ISLR: variants seen among roughly 807,000 people sequenced by gnomAD.
The protein encoded by ISLR is immunoglobulin superfamily containing leucine-rich repeat protein.
In ISLR, 9 loss-of-function variants were observed where a neutral mutation model predicts 11.0. The ratio of observed to expected loss-of-function variants is 0.82; its 90% confidence interval spans 0.49 to 1.43. The LOEUF (loss-of-function observed/expected upper bound fraction) is 1.43, where lower values mean the gene tolerates loss of function less well. Among genes scored for constraint, ISLR ranks in the 40% most tolerant of loss-of-function variants. The pLI, the probability that ISLR is intolerant of heterozygous loss-of-function variation, is 0.00. For missense variants in ISLR, 510 were observed against 576.4 expected (o/e 0.88, Z 1.18); for synonymous variants, 262 against 264.1 (o/e 0.99, Z 0.08).
In ISLR at chr15:74,174,914, G is replaced by T. The variant is rs1159881985; in HGVS notation, c.56G>T (p.Cys19Phe). 2 of 1,591,972 alleles carry T rather than the reference G, an allele frequency of 1.3e-6. No individual in the cohort carries two copies. Among genetic ancestry groups the T allele is most frequent in the African/African-American group, 1.3e-5 (1 of 74,414 alleles). Reference protein sequence around the residue: ...WALLLGLAQACPEPCDCGEKY... With the variant: ...WALLLGLAQAFPEPCDCGEKY... ...CTTCTCCTGGGCCTGGCTCAGGCCT[G>T]CCCTGAGCCCTGCGACTGTGGGGAA... Residue 19 changes from cysteine to phenylalanine, a missense_variant, in exon 2 of 2, where the codon TGC becomes TTC. Coordinates refer to ENST00000249842, the MANE Select transcript of ISLR (RefSeq NM_005545.4).
rs1217631828 is a variant in ISLR at position 74,174,880 on chromosome 15, T to C, written c.22T>C (p.Trp8Arg). 1 of 1,536,568 alleles carries C rather than the reference T, an allele frequency of 6.5e-7. No individual in the cohort carries two copies. The highest frequency in any genetic ancestry group is 2.3e-5 in the East Asian group (1 of 44,378). The change falls in exon 2 of 2, where the codon TGG becomes CGG. Residue 8 changes from tryptophan (W) to arginine (R), a missense_variant. Trp to Arg is a moderately radical substitution (Grantham distance 101). Transcript: ENST00000249842. MQELHLLWWALLLGLAQA... is the reference protein window; with the variant it reads MQELHLLRWALLLGLAQA... ...CACCATGCAGGAGCTGCATCTGCTCTGGTGGGCGCTTCTCCTGGGCCTGGC... is the reference window on the plus strand; with the variant it reads ...CACCATGCAGGAGCTGCATCTGCTCCGGTGGGCGCTTCTCCTGGGCCTGGC...
Position 74,175,323 on chromosome 15 carries a change from C to T in ISLR, c.465C>T (p.His155=). 6.2e-7 allele frequency: 1 copy of T among 1,611,296 alleles called. No homozygotes were observed. Among genetic ancestry groups the T allele is most frequent in the Non-Finnish European group, 8.5e-7 (1 of 1,180,024 alleles). ...CTCTGCGCTCGCTGCAACTCAACCA[C>T]AACCGCTTGCACACATTGGCCGAGG... ...LRALRSLQLN[H]NRLHTLAEGT... is the part of the protein sequence containing the mutation. Residue 155 remains histidine, a synonymous_variant, in exon 2 of 2, where the codon CAC becomes CAT. Transcript: ENST00000249842. This position sits in a 1 kb window ranked among gnomAD's most constrained non-coding sequence, Gnocchi z 4.7.
intron 1 of ISLR, 177 bp from the exon 2 acceptor site, chr15:74,174,674 T>C (rs1453122147): frequency 1.5e-5 from 8 of 524,466 alleles, no homozygotes; most frequent in Non-Finnish European, 2.6e-5. Flanking sequence ...GCCCTTCTCT[T>C]GGCCTCAGTT....
At chr15:74,174,408 A>G (rs999663239) in intron 1 of ISLR, 1 of 155,052 alleles carries the variant, frequency 6.4e-6, no homozygotes, top group Admixed American at 6.6e-5. Flanking sequence ...GCACTGCACA[A>G]GGGGCCTCGT....
chr15:74,175,120 A>G lies in ISLR; in HGVS notation c.262A>G (p.Thr88Ala). 1 of 1,610,734 alleles carries G rather than the reference A, an allele frequency of 6.2e-7. No homozygotes were observed. The highest frequency in any genetic ancestry group is 8.5e-7 in the Non-Finnish European group (1 of 1,179,946). Residue 88 changes from threonine (T) to alanine (A), a missense_variant, in exon 2 of 2, where the codon ACG (threonine) becomes GCG (alanine). Physicochemically the swap from Thr to Ala is moderately conservative, Grantham distance 58 (BLOSUM62 0). Coordinates refer to ENST00000249842, the MANE Select transcript of ISLR (RefSeq NM_005545.4). This position sits in a 1 kb window ranked among gnomAD's most constrained non-coding sequence, Gnocchi z 4.7. ...SLWLAHNEIR[T>A]VAAGALASLS... Reference sequence around the variant, plus strand: ...GTGGCTGGCACACAATGAGATCCGCACGGTGGCCGCCGGAGCCCTGGCCTC... The same window carrying G: ...GTGGCTGGCACACAATGAGATCCGCGCGGTGGCCGCCGGAGCCCTGGCCTC...
chr15:74,174,370 G>A (rs1182854109), intron 1 of ISLR: 1 of 156,376 alleles, frequency 6.4e-6, no homozygotes, highest in East Asian at 1.9e-4. Context: ...GAGCGGGAGA[G>A]GGCGGGTGGA....
chr15:74,174,852 A>G lies in ISLR; in HGVS notation c.-7A>G. 2 of 1,515,862 alleles carry G rather than the reference A, an allele frequency of 1.3e-6. No individual in the cohort carries two copies. Among genetic ancestry groups the G allele is most frequent in the East Asian group, 2.3e-5 (1 of 44,056 alleles). 93.9% of individuals were successfully genotyped at this position (1,515,862 alleles called of 1,614,324 possible). A position where few individuals can be genotyped will look rare whatever the true frequency, so the allele number is the denominator to read the frequency against. ...TGGGTGACATGCCTTTCTCTGCAGG[A>G]GGCACCATGCAGGAGCTGCATCTGC... On this transcript the variant is annotated splice_region_variant and 5_prime_UTR_variant, in exon 2 of 2. Transcript: ENST00000249842.
Position 74,175,182 on chromosome 15 carries a change from T to C in ISLR, c.324T>C (p.Asn108=), listed in dbSNP as rs1205800537. 2 of 1,612,912 alleles carry C rather than the reference T, an allele frequency of 1.2e-6. No individual in the cohort carries two copies. The highest frequency in any genetic ancestry group is 2.7e-5 in the African/African-American group (2 of 74,840). Residue 108 remains asparagine (N), a synonymous_variant, in exon 2 of 2, where the codon AAT becomes AAC. Coordinates refer to ENST00000249842, the MANE Select transcript of ISLR (RefSeq NM_005545.4). The surrounding 1 kb of genome is among the most constrained non-coding windows in gnomAD (Gnocchi z 4.7). ...TCAAGAGCCTGGACCTCAGCCACAA[T>C]CTCATCTCTGACTTTGCCTGGAGCG... is the stretch of plus-strand genomic sequence containing the variant. ...SHLKSLDLSH[N]LISDFAWSDL...
In ISLR at chr15:74,175,998, G is replaced by A. The variant is rs759614823; in HGVS notation, c.1140G>A (p.Gly380=). 2 of 1,613,208 alleles carry A rather than the reference G, an allele frequency of 1.2e-6. No homozygotes were observed. The highest frequency in any genetic ancestry group is 2.7e-5 in the African/African-American group (2 of 74,928). ...YTVDNEVQPS[G]PEDNVVIIYL... ...TTGACAACGAGGTGCAGCCATCAGG[G>A]CCGGAGGACAATGTGGTCATCATCT... The change falls in exon 2 of 2, where the codon GGG becomes GGA. Residue 380 remains glycine (G), a synonymous_variant. Coordinates refer to ENST00000249842, the MANE Select transcript of ISLR (RefSeq NM_005545.4). This position sits in a 1 kb window ranked among gnomAD's most constrained non-coding sequence, Gnocchi z 4.7.
rs925640245 is a variant in ISLR at position 74,176,155 on chromosome 15, G to A, written c.*10G>A. The A allele has an allele frequency of 7.2e-6, 11 of 1,533,330 alleles. No individual in the cohort carries two copies. Among genetic ancestry groups the A allele is most frequent in the Non-Finnish European group, 9.6e-6 (11 of 1,140,990 alleles). The allele number at this position is 1,533,330 out of a possible 1,614,324, so 95.0% of individuals were successfully genotyped here. A position where few individuals can be genotyped will look rare whatever the true frequency, so the allele number is the denominator to read the frequency against. Reference sequence around the variant, plus strand: ...CCTCACCTCCTTCTAGCCCCACCCAGGGCTTCCCTAACTCCTCCCCTTGCC... The same window carrying A: ...CCTCACCTCCTTCTAGCCCCACCCAAGGCTTCCCTAACTCCTCCCCTTGCC... On this transcript the variant is annotated 3_prime_UTR_variant, in exon 2 of 2. Transcript: ENST00000249842.
chr15:74,175,194 CTT>C lies in ISLR; in HGVS notation c.338_339del (p.Phe113CysfsTer145). ...ACCTCAGCCACAATCTCATCTCTGA[CTT>C]TGCCTGGAGCGACCTGCACAACCTC... ...LDLSHNLISD[F>X]AWSDLHNLSA... On this transcript the variant is annotated frameshift_variant, in exon 2 of 2. Transcript: ENST00000249842. LOFTEE classifies it high-confidence loss of function. The surrounding 1 kb of genome is among the most constrained non-coding windows in gnomAD (Gnocchi z 4.7). 6.2e-7 allele frequency: 1 copy of C among 1,613,410 alleles called. No individual in the cohort carries two copies. The highest frequency in any genetic ancestry group is 8.5e-7 in the Non-Finnish European group (1 of 1,180,006).
rs2072799900 is a variant in ISLR, at chr15:74,176,724, C to T, written c.*579C>T. 6.0e-6 allele frequency: 1 copy of T among 167,744 alleles called. No individual in the cohort carries two copies. Among genetic ancestry groups the T allele is most frequent in the African/African-American group, 2.4e-5 (1 of 41,468 alleles). 10.4% of individuals were successfully genotyped at this position (167,744 alleles called of 1,614,324 possible). A position where few individuals can be genotyped will look rare whatever the true frequency, so the allele number is the denominator to read the frequency against. ...AAATGTGGGGATCCAGGATGGCCTT[C>T]CTTCCTCTTACCCTTCCTCCCTCAG... On this transcript the variant is annotated 3_prime_UTR_variant, in exon 2 of 2. Transcript: ENST00000249842.
chr15:74,174,583 C>G (rs1282197775), intron 1 of ISLR: 14 of 393,490 alleles, frequency 3.6e-5, no homozygotes, highest in Admixed American at 2.0e-4. Flanking sequence ...GCAGGGAGAA[C>G]TCTCCACTCG....
At position 74,175,116 on chromosome 15, in the gene ISLR, C is replaced by A; in HGVS notation, c.258C>A (p.Ile86=). The A allele has an allele frequency of 6.2e-7, 1 of 1,611,016 alleles. No homozygotes were observed. The change falls in exon 2 of 2, where the codon ATC becomes ATA. Residue 86 remains isoleucine, a synonymous_variant. Coordinates refer to ENST00000249842, the MANE Select transcript of ISLR (RefSeq NM_005545.4). The surrounding 1 kb of genome is among the most constrained non-coding windows in gnomAD (Gnocchi z 4.7). ...LQSLWLAHNE[I]RTVAAGALAS... is the part of the protein sequence containing the mutation. ...CGCTGTGGCTGGCACACAATGAGAT[C>A]CGCACGGTGGCCGCCGGAGCCCTGG... is the stretch of plus-strand genomic sequence containing the variant.
Position 74,175,275 on chromosome 15 carries a change from C to T in ISLR, c.417C>T (p.Arg139=), listed in dbSNP as rs759129192. 17 of 1,612,498 alleles carry T rather than the reference C, an allele frequency of 1.1e-5. No individual in the cohort carries two copies. The highest frequency in any genetic ancestry group is 7.7e-5 in the South Asian group (7 of 91,084). The change falls in exon 2 of 2, where the codon CGC becomes CGT. Residue 139 remains arginine, a synonymous_variant. Coordinates refer to ENST00000249842, the MANE Select transcript of ISLR (RefSeq NM_005545.4). The surrounding 1 kb of genome is among the most constrained non-coding windows in gnomAD (Gnocchi z 4.7). ...MDSNELTFIP[R]DAFRSLRALR... ...GCAACGAGCTGACCTTCATCCCCCGCGACGCCTTCCGCAGCCTCCGTGCTC... is the reference window on the plus strand; with the variant it reads ...GCAACGAGCTGACCTTCATCCCCCGTGACGCCTTCCGCAGCCTCCGTGCTC...
chr15:74,175,997 G>C lies in ISLR; in HGVS notation c.1139G>C (p.Gly380Ala). The C allele has an allele frequency of 1.2e-6, 2 of 1,613,258 alleles. No homozygotes were observed. Among genetic ancestry groups the C allele is most frequent in the South Asian group, 2.2e-5 (2 of 90,972 alleles). ...YTVDNEVQPSGPEDNVVIIYL... is the reference protein window; with the variant it reads ...YTVDNEVQPSAPEDNVVIIYL... The stretch of plus-strand genomic sequence containing the variant: ...GTTGACAACGAGGTGCAGCCATCAG[G>C]GCCGGAGGACAATGTGGTCATCATC... Residue 380 changes from glycine (G) to alanine (A), a missense_variant, in exon 2 of 2, where the codon GGG becomes GCG. Coordinates refer to ENST00000249842, the MANE Select transcript of ISLR (RefSeq NM_005545.4). The surrounding 1 kb of genome is among the most constrained non-coding windows in gnomAD (Gnocchi z 4.7).
Position 74,176,056 on chromosome 15 carries a change from G to A in ISLR, c.1198G>A (p.Val400Ile). 1 of 1,611,436 alleles carries A rather than the reference G, an allele frequency of 6.2e-7. No individual in the cohort carries two copies. The change falls in exon 2 of 2, where the codon GTC (valine) becomes ATC (isoleucine). Residue 400 changes from valine (V) to isoleucine (I), a missense_variant. Transcript: ENST00000249842. Reference sequence around the variant, plus strand: ...CCGTGCTGGGAACCCTGAGGCTGCAGTCGCAGAAGGGGTCCCTGGGCAGCT... The same window carrying A: ...CCGTGCTGGGAACCCTGAGGCTGCAATCGCAGAAGGGGTCCCTGGGCAGCT... Reference protein sequence around the residue: ...LSRAGNPEAAVAEGVPGQLPP... With the variant: ...LSRAGNPEAAIAEGVPGQLPP...
rs910706265 is a variant in ISLR, at chr15:74,175,303, C to T, written c.445C>T (p.Arg149Cys). The change falls in exon 2 of 2, where the codon CGC becomes TGC. Residue 149 changes from arginine (R) to cysteine (C), a missense_variant. By Grantham distance (180) the Arg-to-Cys change is radical (BLOSUM62 -3). Coordinates refer to ENST00000249842, the MANE Select transcript of ISLR (RefSeq NM_005545.4). The surrounding 1 kb of genome is among the most constrained non-coding windows in gnomAD (Gnocchi z 4.7). The stretch of plus-strand genomic sequence containing the variant: ...CGCCTTCCGCAGCCTCCGTGCTCTG[C>T]GCTCGCTGCAACTCAACCACAACCG... Reference protein sequence around the residue: ...RDAFRSLRALRSLQLNHNRLH... With the variant: ...RDAFRSLRALCSLQLNHNRLH... 2.2e-5 allele frequency: 36 copies of T among 1,611,504 alleles called. No homozygotes were observed. The highest frequency in any genetic ancestry group is 5.3e-5 in the African/African-American group (4 of 74,932).
intron 1 of ISLR, chr15:74,174,567 G>A (rs898236465): frequency 2.7e-6 from 1 of 364,442 alleles, no homozygotes; most frequent in Non-Finnish European, 4.9e-6. Context: ...CTAGGAACAG[G>A]CCGAGGCAGG....
Sources: allele counts gnomAD v4.1 joint callset, GRCh38; gene constraint gnomAD v4.1.1; non-coding constraint Gnocchi (gnomAD v3.1); transcripts MANE v1.5; gene names NCBI Gene and HGNC (gene_info 2026-07-23, HGNC 2026-07-21).